Variants in CNTNAP2 observed in about 807,000 individuals in gnomAD.
CNTNAP2 encodes contactin-associated protein-like 2.
In CNTNAP2, 98 loss-of-function variants were observed where a neutral mutation model predicts 155.2. That is an observed-to-expected ratio of 0.63 (90% CI 0.54 to 0.75). The LOEUF (loss-of-function observed/expected upper bound fraction) is 0.75, where lower values mean the gene tolerates loss of function less well. CNTNAP2 is among the 30% of genes least tolerant of loss of function. The pLI, the probability that CNTNAP2 is intolerant of heterozygous loss-of-function variation, is 0.00. For synonymous variants in CNTNAP2, 651 were observed against 631.2 expected (o/e 1.03, Z -0.47); for missense variants, 1,727 against 1,688.1 (o/e 1.02, Z -0.40).
intron 13 of CNTNAP2, among the ~76,000 whole-genome samples, chr7:147,659,474 C>T (rs79767507): frequency 0.065 from 9,914 of 152,174 alleles, 495 homozygotes; most frequent in Non-Finnish European, 0.089. Flanking sequence ...ATAAATACTA[C>T]CAACATAGAG....
chr7:147,981,753 C>T (rs1264508190), intron 15 of CNTNAP2, among the ~76,000 whole-genome samples: 2 of 151,234 alleles, frequency 1.3e-5, no homozygotes, highest in African/African-American at 4.9e-5. Flanking sequence ...CTGCATTTCC[C>T]ATATAGTTCT....
At chr7:147,116,509 GC>G (rs1163311456) in intron 5 of CNTNAP2, among the ~76,000 whole-genome samples, 1 of 152,192 alleles carries the variant, frequency 6.6e-6, no homozygotes, top group Non-Finnish European at 1.5e-5. Flanking sequence ...GTGGCCAGAG[GC>G]CCCAGCTGGG....
chr7:147,725,648 C>T (rs191982777), intron 13 of CNTNAP2, among the ~76,000 whole-genome samples: 54 of 152,152 alleles, frequency 3.5e-4, no homozygotes, highest in African/African-American at 1.2e-3. Flanking sequence ...CAACTGTGAA[C>T]GTGATTTCCC....
intron 8 of CNTNAP2, among the ~76,000 whole-genome samples, chr7:147,244,428 G>A (rs1483460021): frequency 6.6e-6 from 1 of 152,160 alleles, no homozygotes; most frequent in East Asian, 1.9e-4. Context: ...CTCCAAAATA[G>A]ATATATAATT....
chr7:147,923,337 A>G (rs1800319087), intron 14 of CNTNAP2, among the ~76,000 whole-genome samples: 2 of 152,192 alleles, frequency 1.3e-5, no homozygotes, highest in South Asian at 4.2e-4. Flanking sequence ...ACACACATGG[A>G]GAGGAGAATG....
At chr7:148,163,687 A>G (rs1042707581) in intron 17 of CNTNAP2, among the ~76,000 whole-genome samples, 1 of 152,176 alleles carries the variant, frequency 6.6e-6, no homozygotes, top group Non-Finnish European at 1.5e-5. Context: ...TGAAAAAGCA[A>G]TTTTCCAAAC....
rs188831888 is a variant in CNTNAP2, at chr7:148,126,487, C to T, written c.2554+8199C>T. Among the ~76,000 whole-genome samples, 28 of 152,174 alleles carry T rather than the reference C, an allele frequency of 1.8e-4. No homozygotes were observed. In the East Asian group the frequency reaches 4.8e-3, roughly 26 times the overall value. ...TGTGGAAAGGTGGAAGGACAGGTCA[C>T]GGTTAGTGAAATTTTGGAACTCACG... On this transcript the variant is annotated intron_variant, in intron 16 of 23. Transcript: ENST00000361727.
intron 1 of CNTNAP2, among the ~76,000 whole-genome samples, chr7:146,511,583 C>T (rs559735019): frequency 1.7e-4 from 26 of 152,116 alleles, no homozygotes; most frequent in Non-Finnish European, 3.2e-4. Flanking sequence ...ATCACATTTA[C>T]AGATTTAAAT....
chr7:146,611,339 C>A (rs1231831941), intron 1 of CNTNAP2, among the ~76,000 whole-genome samples: 1 of 152,220 alleles, frequency 6.6e-6, no homozygotes, highest in Non-Finnish European at 1.5e-5. Flanking sequence ...AATCTTCCCC[C>A]TTCAGCTTCC....
Position 146,151,646 on chromosome 7 carries a change from A to ATG in CNTNAP2, c.97+34674_97+34675insGT, listed in dbSNP as rs1229014775. Reference sequence around the variant, plus strand: ...GACAAAGAAAACGTGATATATATATATATATATATATATATATATATATAT... The same window carrying ATG: ...GACAAAGAAAACGTGATATATATATATGTATATATATATATATATATATATAT... On this transcript the variant is annotated intron_variant, in intron 1 of 23. Transcript: ENST00000361727. Among the ~76,000 whole-genome samples the ATG allele has an allele frequency of 1.4e-4, 10 of 70,286 alleles. No individual in the cohort carries two copies. The East Asian group carries it at 8.7e-3, about 61-fold the overall frequency. 46.1% of individuals were successfully genotyped at this position (70,286 alleles called of 152,430 possible). A position where few individuals can be genotyped will look rare whatever the true frequency, so the allele number is the denominator to read the frequency against.
intron 8 of CNTNAP2, among the ~76,000 whole-genome samples, chr7:147,282,033 C>T (rs1805046984): frequency 6.6e-6 from 1 of 151,884 alleles, no homozygotes; most frequent in African/African-American, 2.4e-5. Context: ...AAGCCAATGT[C>T]TTCTTCAGAC....
rs866989794 is a variant in CNTNAP2, at chr7:148,366,959, G to A, written c.3476-16690G>A. ...TTAAGAAAAACCATCACAGCTGTGCGCGGTGGCTCACGCCTGTAGTCCCAA... is the reference window on the plus strand; with the variant it reads ...TTAAGAAAAACCATCACAGCTGTGCACGGTGGCTCACGCCTGTAGTCCCAA... On this transcript the variant is annotated intron_variant, in intron 21 of 23. Coordinates refer to ENST00000361727, the MANE Select transcript of CNTNAP2 (RefSeq NM_014141.6). Among the ~76,000 whole-genome samples, 20 of 152,288 alleles carry A rather than the reference G, an allele frequency of 1.3e-4. 1 individual carries two copies. In the Middle Eastern group the frequency reaches 0.01, roughly 78 times the overall value.
At chr7:147,042,106 G>T (rs994857765) in intron 3 of CNTNAP2, among the ~76,000 whole-genome samples, 2 of 152,134 alleles carry the variant, frequency 1.3e-5, no homozygotes, top group Non-Finnish European at 2.9e-5. Context: ...ATGCAATGAG[G>T]ATGCTCTATT....
intron 9 of CNTNAP2, among the ~76,000 whole-genome samples, chr7:147,381,361 C>T (rs1040244953): frequency 2.6e-5 from 4 of 151,972 alleles, no homozygotes; most frequent in Non-Finnish European, 4.4e-5. Context: ...TGTATAATTT[C>T]ATAGTAATTA....
At chr7:146,855,717 G>A (rs968907121) in intron 3 of CNTNAP2, among the ~76,000 whole-genome samples, 6 of 150,366 alleles carry the variant, frequency 4.0e-5, no homozygotes, top group Admixed American at 2.0e-4. Context: ...TGGGGGCCAA[G>A]GTTCTCACCA....
chr7:146,552,391 C>T (rs572980834), intron 1 of CNTNAP2, among the ~76,000 whole-genome samples: 1 of 152,210 alleles, frequency 6.6e-6, no homozygotes, highest in South Asian at 2.1e-4. Flanking sequence ...CTCAGTTTCT[C>T]TCTTAGACCT....
chr7:147,009,988 A>G (rs1331807513), intron 3 of CNTNAP2, among the ~76,000 whole-genome samples: 1 of 149,320 alleles, frequency 6.7e-6, no homozygotes, highest in Non-Finnish European at 1.5e-5. Context: ...TGAACACACC[A>G]GGCGTCTATA....
At chr7:148,400,070 T>C (rs1020496124) in intron 22 of CNTNAP2, among the ~76,000 whole-genome samples, 1 of 152,086 alleles carries the variant, frequency 6.6e-6, no homozygotes, top group African/African-American at 2.4e-5. Flanking sequence ...TGCCCCTTAA[T>C]GTTTGAAAGG....
intron 16 of CNTNAP2, among the ~76,000 whole-genome samples, chr7:148,142,951 T>C (rs1202946107): frequency 6.6e-6 from 1 of 152,244 alleles, no homozygotes; most frequent in Non-Finnish European, 1.5e-5. Context: ...GAGCCTGCTT[T>C]ATTAGAAAGT....
Sources: allele counts gnomAD v4.1 joint callset (sites outside exome capture counted in the v4.1 genomes callset), GRCh38; gene constraint gnomAD v4.1.1; transcripts MANE v1.5; gene names NCBI Gene and HGNC (gene_info 2026-07-23, HGNC 2026-07-21).